SH3BP5L: variants seen among roughly 807,000 people sequenced by gnomAD.
SH3BP5L encodes the protein SH3 binding domain protein 5 like.
In SH3BP5L, 16 loss-of-function variants were observed where a neutral mutation model predicts 40.9. The ratio of observed to expected loss-of-function variants is 0.39; its 90% CI spans 0.27 to 0.59. SH3BP5L has a LOEUF of 0.59. Among genes scored for constraint, SH3BP5L ranks in the 20% least tolerant of loss-of-function variants. SH3BP5L has a pLI of 0.53. For missense variants in SH3BP5L, 471 were observed against 544.6 expected (o/e 0.86, Z 1.35); for synonymous variants, 229 against 226.7 (o/e 1.01, Z -0.09).
At chr1:248,817,817 C>T (rs1046899928) in intron 2 of SH3BP5L, among the ~76,000 whole-genome samples, 1 of 152,088 alleles carries the variant, frequency 6.6e-6, no homozygotes, top group Non-Finnish European at 1.5e-5. Flanking sequence ...CACACTACTG[C>T]ACTCCAGCCT....
chr1:248,818,936 A>G (rs1664181342), intron 2 of SH3BP5L, among the ~76,000 whole-genome samples: 1 of 152,194 alleles, frequency 6.6e-6, no homozygotes, highest in African/African-American at 2.4e-5. Flanking sequence ...GCCCAGACCC[A>G]TGACTTGCAC....
In SH3BP5L at chr1:248,810,684, G is replaced by A. The variant is rs1663879308; in HGVS notation, c.*1216C>T. The A allele has an allele frequency of 6.6e-6, 1 of 152,234 alleles. No individual in the cohort carries two copies. Among genetic ancestry groups the A allele is most frequent in the South Asian group, 2.1e-4 (1 of 4,828 alleles). The allele number at this position is 152,234 out of a possible 1,614,324, so 9.4% of individuals were successfully genotyped here. The stretch of plus-strand genomic sequence containing the variant: ...TGGCAGAACATGGGCCTAGAAAAGA[G>A]CACTCCATCTTCCTGGGGTGGGTCA... On this transcript the variant is annotated 3_prime_UTR_variant, in exon 7 of 7. Coordinates refer to ENST00000366472, the MANE Select transcript of SH3BP5L (RefSeq NM_030645.3).
At chr1:248,816,927 T>G in intron 2 of SH3BP5L, 43 bp from the exon 3 acceptor site, 1 of 1,612,726 alleles carries the variant, frequency 6.2e-7, no homozygotes. Context: ...TGGAAGGAAG[T>G]AGCCTTGAAT....
At position 248,816,549 on chromosome 1, in the gene SH3BP5L, C is replaced by T. The variant is rs1664111007; in HGVS notation, c.360G>A (p.Arg120=). Residue 120 remains arginine (R), a synonymous_variant, in exon 4 of 7, where the codon CGG becomes CGA. Transcript: ENST00000366472. ...CCAGCCATACCTCCTTAGCCAGCCG[C>T]CGAGCCTCATAGTAGGGCCGGGCTT... The part of the protein sequence containing the change: ...IEKARPYYEA[R]RLAKEAQQET... The T allele has an allele frequency of 6.2e-7, 1 of 1,614,130 alleles. No homozygotes were observed. The highest frequency in any genetic ancestry group is 1.3e-5 in the African/African-American group (1 of 75,026).
At chr1:248,817,999 GT>G (rs1261897014) in intron 2 of SH3BP5L, among the ~76,000 whole-genome samples, 1 of 152,178 alleles carries the variant, frequency 6.6e-6, no homozygotes, top group Non-Finnish European at 1.5e-5. Context: ...TGGCAAAAGG[GT>G]CTCTCAGAGC....
chr1:248,816,306 A>G, intron 4 of SH3BP5L: 1 of 531,560 alleles, frequency 1.9e-6, no homozygotes, highest in African/African-American at 1.9e-5. Flanking sequence ...GCAGGGCTGA[A>G]CTAAATATTC....
chr1:248,816,676 A>G lies in SH3BP5L; in HGVS notation c.247-14T>C. The stretch of plus-strand genomic sequence containing the variant: ...GGTCCTGGCCTCCTGGAAAGGAACA[A>G]GGCAGAGGAAAGGCACATGTTTGGG... On this transcript the variant is annotated splice_polypyrimidine_tract_variant and intron_variant, in intron 3 of 6. Transcript: ENST00000366472. 2 of 1,614,052 alleles carry G rather than the reference A, an allele frequency of 1.2e-6. No individual in the cohort carries two copies. The highest frequency in any genetic ancestry group is 1.7e-6 in the Non-Finnish European group (2 of 1,180,020).
intron 2 of SH3BP5L, among the ~76,000 whole-genome samples, chr1:248,819,373 T>A: frequency 6.9e-6 from 1 of 145,452 alleles, no homozygotes; most frequent in African/African-American, 2.6e-5. Flanking sequence ...TAAAATACAC[T>A]AACACTAACT....
At chr1:248,813,205 G>C in intron 5 of SH3BP5L, 43 bp from the exon 6 acceptor site, 1 of 1,461,140 alleles carries the variant, frequency 6.8e-7, no homozygotes, top group South Asian at 1.4e-5. Flanking sequence ...CCATGCTTCA[G>C]TCTCTGGCAT....
At position 248,812,255 on chromosome 1, in the gene SH3BP5L, C is replaced by T. The variant is rs757847234; in HGVS notation, c.827G>A (p.Arg276His). 4.0e-5 allele frequency: 65 copies of T among 1,611,172 alleles called. No individual in the cohort carries two copies. The highest frequency in any genetic ancestry group is 3.3e-5 in the Admixed American group (2 of 59,906). The change falls in exon 7 of 7, where the codon CGC (arginine) becomes CAC (histidine). Residue 276 changes from arginine (R) to histidine (H), a missense_variant. Coordinates refer to ENST00000366472, the MANE Select transcript of SH3BP5L (RefSeq NM_030645.3). This position sits in a 1 kb window ranked among gnomAD's most constrained non-coding sequence, Gnocchi z 6.1. ...QISEQIHARRRGGLPPHPLGP... is the reference protein window; with the variant it reads ...QISEQIHARRHGGLPPHPLGP... The stretch of plus-strand genomic sequence containing the variant: ...CAGGGGGTGGGGAGGCAGACCCCCG[C>T]GGCGCCGTGCGTGAATCTGCTCGCT...
At chr1:248,817,679 C>G (rs1230105393) in intron 2 of SH3BP5L, among the ~76,000 whole-genome samples, 2 of 151,916 alleles carry the variant, frequency 1.3e-5, no homozygotes, top group Non-Finnish European at 2.9e-5. Flanking sequence ...ATGGTGAAAC[C>G]CTGTCTCTAC....
chr1:248,822,445 T>C (rs572556581), intron 2 of SH3BP5L, among the ~76,000 whole-genome samples: 89 of 152,148 alleles, frequency 5.8e-4, no homozygotes, highest in Non-Finnish European at 8.2e-4. Flanking sequence ...TTCCTCCCTA[T>C]ACAACCCACA....
Position 248,824,904 on chromosome 1 carries a change from C to T in SH3BP5L, c.32G>A (p.Arg11Gln). The change falls in exon 2 of 7, where the codon CGG becomes CAG. Residue 11 changes from arginine (R) to glutamine (Q), a missense_variant. Physicochemically the swap from Arg to Gln is conservative, Grantham distance 43. This residue lies in a region of SH3BP5L where 275 missense variants were observed against 370.1 expected (regional missense o/e 0.74). Transcript: ENST00000366472. ...CCGCAGCTCCCCCTGTGGGGTCTCC[C>T]GCCCTCCTGGAACCTGTCTGAGCTC... is the stretch of plus-strand genomic sequence containing the variant. Reference protein sequence around the residue: MAELRQVPGGRETPQGELRPE... With the variant: MAELRQVPGGQETPQGELRPE... 6.2e-7 allele frequency: 1 copy of T among 1,613,874 alleles called. No homozygotes were observed. Among genetic ancestry groups the T allele is most frequent in the Non-Finnish European group, 8.5e-7 (1 of 1,179,888 alleles).
At position 248,812,098 on chromosome 1, in the gene SH3BP5L, G is replaced by A. The variant is rs762518138; in HGVS notation, c.984C>T (p.Pro328=). The change falls in exon 7 of 7, where the codon CCC becomes CCT. Residue 328 remains proline, a synonymous_variant. Coordinates refer to ENST00000366472, the MANE Select transcript of SH3BP5L (RefSeq NM_030645.3). This position sits in a 1 kb window ranked among gnomAD's most constrained non-coding sequence, Gnocchi z 6.1. ...EGSSLGPGPA[P]DTDTLSLLSL... Reference sequence around the variant, plus strand: ...TCAGCAGACTCAGGGTATCGGTGTCGGGGGCGGGGCCGGGCCCCAGGCTGC... The same window carrying A: ...TCAGCAGACTCAGGGTATCGGTGTCAGGGGCGGGGCCGGGCCCCAGGCTGC... 51 of 1,611,408 alleles carry A rather than the reference G, an allele frequency of 3.2e-5. No individual in the cohort carries two copies. The highest frequency in any genetic ancestry group is 3.8e-5 in the Non-Finnish European group (45 of 1,178,832).
At chr1:248,824,449 C>G (rs912532921) in intron 2 of SH3BP5L, among the ~76,000 whole-genome samples, 1 of 152,234 alleles carries the variant, frequency 6.6e-6, no homozygotes, top group African/African-American at 2.4e-5. Context: ...CACCTACCCT[C>G]CACTGACCTA....
At chr1:248,814,956 G>A (rs1221717718) in intron 4 of SH3BP5L, 1 of 380,020 alleles carries the variant, frequency 2.6e-6, no homozygotes, top group East Asian at 6.7e-5. Context: ...CAGAAAAGAT[G>A]ACCTTGAGAC....
At chr1:248,825,398 A>C (rs2103021295) in intron 1 of SH3BP5L, 32 bp from the exon 2 acceptor site, 1 of 990,398 alleles carries the variant, frequency 1.0e-6, no homozygotes, top group South Asian at 4.5e-5. Flanking sequence ...GTATATGGTC[A>C]TGTCAGCATC....
Position 248,818,612 on chromosome 1 carries a change from G to A in SH3BP5L, c.184-1728C>T, listed in dbSNP as rs372140749. 1.5e-4 allele frequency among the ~76,000 whole-genome samples: 23 copies of A among 152,352 alleles called. No individual in the cohort carries two copies. In the East Asian group the frequency reaches 4.2e-3, roughly 28 times the overall value. ...TGGGGAAAAGTTGCTGGACAAGCTG[G>A]TTTGAGTGCCTTCCTGGCCCCTGGA... On this transcript the variant is annotated intron_variant, in intron 2 of 6. Coordinates refer to ENST00000366472, the MANE Select transcript of SH3BP5L (RefSeq NM_030645.3).
rs1663869487 is a variant in SH3BP5L, at chr1:248,810,517, T to C, written c.*1383A>G. ...CCTTTCCCCCTTACACACCAGCACA[T>C]GCACACACGCACACCCACACCCTCC... On this transcript the variant is annotated 3_prime_UTR_variant, in exon 7 of 7. Coordinates refer to ENST00000366472, the MANE Select transcript of SH3BP5L (RefSeq NM_030645.3). The C allele has an allele frequency of 6.6e-6, 1 of 152,348 alleles. No homozygotes were observed. The highest frequency in any genetic ancestry group is 1.5e-5 in the Non-Finnish European group (1 of 68,084). 9.4% of individuals were successfully genotyped at this position (152,348 alleles called of 1,614,324 possible).
Sources: allele counts gnomAD v4.1 joint callset (sites outside exome capture counted in the v4.1 genomes callset), GRCh38; gene constraint gnomAD v4.1.1; regional missense constraint gnomAD v4.1.1; non-coding constraint Gnocchi (gnomAD v3.1); transcripts MANE v1.5; gene names NCBI Gene and HGNC (gene_info 2026-07-23, HGNC 2026-07-21).